The following ST6GALNAC5 variants were observed in gnomAD, a reference collection of about 807,000 sequenced individuals.
ST6GALNAC5 encodes ST6 N-acetylgalactosaminide alpha-2,6-sialyltransferase 5.
A neutral mutation model predicts 33.6 loss-of-function variants in ST6GALNAC5; 27 were observed. The observed-to-expected ratio is 0.80, with a 90% CI of 0.59 to 1.11. The LOEUF (loss-of-function observed/expected upper bound fraction) is 1.11. ST6GALNAC5 is among the 50% of genes least tolerant of loss of function. ST6GALNAC5 has a pLI of 0.00. For missense variants in ST6GALNAC5, 428 were observed against 454.0 expected (o/e 0.94, Z 0.52); for synonymous variants, 194 against 171.2 (o/e 1.13, Z -1.04).
intron 2 of ST6GALNAC5, among the ~76,000 whole-genome samples, chr1:76,932,375 T>C (rs1647152747): frequency 6.6e-6 from 1 of 152,052 alleles, no homozygotes; most frequent in Non-Finnish European, 1.5e-5. Flanking sequence ...CATGAGGAAG[T>C]AGATGCGTCA....
At chr1:76,902,873 A>G (rs1435129849) in intron 2 of ST6GALNAC5, among the ~76,000 whole-genome samples, 1 of 152,150 alleles carries the variant, frequency 6.6e-6, no homozygotes, top group Non-Finnish European at 1.5e-5. Flanking sequence ...CACAATATAG[A>G]AAAATTAACT....
At position 76,952,368 on chromosome 1, in the gene ST6GALNAC5, G is replaced by T. The variant is rs535114036; in HGVS notation, c.261+83626G>T. 2.3e-4 allele frequency among the ~76,000 whole-genome samples: 35 copies of T among 152,216 alleles called. No homozygotes were observed. The South Asian group carries it at 4.8e-3, about 21-fold the overall frequency. ...CCCAATGTGATGGTATTTGGAGAAG[G>T]CTCCTTTGGTAGGTAATTAGATTTA... On this transcript the variant is annotated intron_variant, in intron 2 of 4. Transcript: ENST00000477717.
At position 77,067,164 on chromosome 1, in the gene ST6GALNAC5, G is replaced by T. The variant is rs1652807237; in HGVS notation, c.*3958G>T. Reference sequence around the variant, plus strand: ...GAACTATAATAATAAGCCCTGGGGGGCAGGATGTGTGAACCAATTGCCTAG... The same window carrying T: ...GAACTATAATAATAAGCCCTGGGGGTCAGGATGTGTGAACCAATTGCCTAG... On this transcript the variant is annotated 3_prime_UTR_variant, in exon 5 of 5. Transcript: ENST00000477717. 2.0e-5 allele frequency among the ~76,000 whole-genome samples: 3 copies of T among 152,024 alleles called. No homozygotes were observed. The highest frequency in any genetic ancestry group is 4.4e-5 in the Non-Finnish European group (3 of 68,008).
At chr1:77,001,121 T>C (rs1240243320) in intron 2 of ST6GALNAC5, among the ~76,000 whole-genome samples, 1 of 151,686 alleles carries the variant, frequency 6.6e-6, no homozygotes, top group Non-Finnish European at 1.5e-5. Context: ...TTCCTACCCA[T>C]GAGCATGGAA....
At chr1:76,901,356 G>A (rs774931362) in intron 2 of ST6GALNAC5, among the ~76,000 whole-genome samples, 2 of 152,192 alleles carry the variant, frequency 1.3e-5, no homozygotes, top group Non-Finnish European at 2.9e-5. Context: ...TGCCATGAGA[G>A]GGCAGCACTG....
intron 2 of ST6GALNAC5, among the ~76,000 whole-genome samples, chr1:76,984,935 T>C (rs1338827571): frequency 1.3e-5 from 2 of 152,190 alleles, no homozygotes; most frequent in Non-Finnish European, 2.9e-5. Flanking sequence ...TCTCAACAGA[T>C]GCAGAAAAGG....
At chr1:76,897,578 C>T (rs534031046) in intron 2 of ST6GALNAC5, among the ~76,000 whole-genome samples, 6 of 152,040 alleles carry the variant, frequency 3.9e-5, no homozygotes, top group Admixed American at 3.3e-4. Context: ...TGTGATCAGT[C>T]GCCAAGGAGG....
In ST6GALNAC5 at chr1:76,955,431, AG is replaced by A. The variant is rs1164134940; in HGVS notation, c.261+86690del. ...AAAGGTGAGGGTAAATTCAGCAATC[AG>A]TATGGTAGTAATTGACTCAGTTGCT... On this transcript the variant is annotated intron_variant, in intron 2 of 4. Transcript: ENST00000477717. Among the ~76,000 whole-genome samples the A allele has an allele frequency of 2.6e-5, 4 of 152,336 alleles. No individual in the cohort carries two copies. In the East Asian group the frequency reaches 7.7e-4, roughly 29 times the overall value.
chr1:76,966,892 A>G (rs1463323995), intron 2 of ST6GALNAC5, among the ~76,000 whole-genome samples: 1 of 152,146 alleles, frequency 6.6e-6, no homozygotes, highest in Non-Finnish European at 1.5e-5. Flanking sequence ...TATGTGATGG[A>G]TTATATTTAT....
intron 2 of ST6GALNAC5, among the ~76,000 whole-genome samples, chr1:76,933,914 C>A (rs1037383883): frequency 2.6e-5 from 4 of 152,106 alleles, no homozygotes; most frequent in East Asian, 3.9e-4. Flanking sequence ...TCCTGCCACT[C>A]CCCCTTTGTC....
At chr1:77,007,497 T>C (rs897096705) in intron 2 of ST6GALNAC5, among the ~76,000 whole-genome samples, 3 of 152,224 alleles carry the variant, frequency 2.0e-5, no homozygotes, top group African/African-American at 7.2e-5. Flanking sequence ...GGAAAAGTTT[T>C]AGGAGTGAGA....
chr1:76,869,853 A>G (rs369497652), intron 2 of ST6GALNAC5, among the ~76,000 whole-genome samples: 4 of 152,204 alleles, frequency 2.6e-5, no homozygotes, highest in East Asian at 1.9e-4. Flanking sequence ...ACAATATACC[A>G]TGAAATGTGT....
At chr1:77,062,848 T>A in intron 4 of ST6GALNAC5, 127 bp from the exon 5 acceptor site, 1 of 662,068 alleles carries the variant, frequency 1.5e-6, no homozygotes, top group Non-Finnish European at 2.5e-6. Flanking sequence ...GAAAAACCAT[T>A]TGTTCAAACT....
At chr1:76,952,274 A>G (rs1647778953) in intron 2 of ST6GALNAC5, among the ~76,000 whole-genome samples, 10 of 152,058 alleles carry the variant, frequency 6.6e-5, no homozygotes, top group Admixed American at 6.6e-4. Context: ...GGCCTTATAT[A>G]ACATTTTCAC....
chr1:76,903,243 T>C (rs992566153), intron 2 of ST6GALNAC5, among the ~76,000 whole-genome samples: 1 of 152,100 alleles, frequency 6.6e-6, no homozygotes, highest in African/African-American at 2.4e-5. Context: ...AATAGACGTA[T>C]CTCCATAGAA....
At chr1:76,948,575 T>C (rs3107605) in intron 2 of ST6GALNAC5, among the ~76,000 whole-genome samples, 86,527 of 143,852 alleles carry the variant, frequency 0.6, 25,964 homozygotes, top group African/African-American at 0.69. Flanking sequence ...GAGAGAGGTA[T>C]GGGAGTGGGG....
intron 2 of ST6GALNAC5, among the ~76,000 whole-genome samples, chr1:77,004,104 T>C (rs1356965112): frequency 6.6e-6 from 1 of 150,914 alleles, no homozygotes; most frequent in Non-Finnish European, 1.5e-5. Context: ...CTTGGTTCCA[T>C]TCTCCCCATC....
At chr1:77,052,752 C>T (rs1479605798) in intron 4 of ST6GALNAC5, among the ~76,000 whole-genome samples, 1 of 151,202 alleles carries the variant, frequency 6.6e-6, no homozygotes, top group African/African-American at 2.4e-5. Flanking sequence ...AACCCTGTCT[C>T]TACAAAAAAT....
intron 2 of ST6GALNAC5, among the ~76,000 whole-genome samples, chr1:76,987,380 C>T (rs1304690104): frequency 6.6e-6 from 1 of 152,110 alleles, no homozygotes; most frequent in African/African-American, 2.4e-5. Flanking sequence ...AAATCCAAAT[C>T]ACAGTGAGAT....
Sources: gnomAD v4.1 joint callset for allele counts (sites outside exome capture counted in the v4.1 genomes callset) on GRCh38, gnomAD v4.1.1 for gene constraint, MANE v1.5 for transcripts, NCBI Gene and HGNC (gene_info 2026-07-23, HGNC 2026-07-21) for gene names.